Variants in MEGF6 observed in about 807,000 individuals in gnomAD.
The protein encoded by MEGF6 is multiple epidermal growth factor-like domains protein 6.
Under a neutral mutation model 207.1 loss-of-function variants are expected in MEGF6, and 184 were observed. That is an observed-to-expected ratio of 0.89 (90% CI 0.79 to 1.00). The LOEUF is 1.00. Among genes scored for constraint, MEGF6 ranks in the 50% least tolerant of loss-of-function variants. The pLI is 0.00. For synonymous variants in MEGF6, 1,038 were observed against 910.0 expected (o/e 1.14, Z -2.53); for missense variants, 2,282 against 2,202.9 (o/e 1.04, Z -0.72).
chr1:3,493,650 G>A (rs921431980), intron 34 of MEGF6, 121 bp downstream of exon 34: 1 of 1,358,428 alleles, frequency 7.4e-7, no homozygotes, highest in East Asian at 2.5e-5. Flanking sequence ...TCCAGGTGCA[G>A]AGGCAACAAG....
chr1:3,618,802 A>G, the MEGF6 span, among the ~76,000 whole-genome samples: 7 of 152,130 alleles, frequency 4.6e-5, no homozygotes, highest in African/African-American at 1.2e-4. The surrounding 1 kb of genome is among the most constrained non-coding windows in gnomAD (Gnocchi z 4.7). Context: ...GCTGAGAAAC[A>G]TTCCTCAGCC....
At chr1:3,601,952 A>G (rs1455620009) in intron 2 of MEGF6, among the ~76,000 whole-genome samples, 1 of 152,212 alleles carries the variant, frequency 6.6e-6, no homozygotes, top group Non-Finnish European at 1.5e-5. Flanking sequence ...TCCACCTGAC[A>G]CGGGGGCTGC....
intron 3 of MEGF6, among the ~76,000 whole-genome samples, chr1:3,581,674 C>T (rs957429374): frequency 6.6e-6 from 1 of 152,188 alleles, no homozygotes; most frequent in Non-Finnish European, 1.5e-5. Context: ...TAGCCAAGAC[C>T]AATCACCCCC....
chr1:3,609,585 G>C (rs1187952602), intron 1 of MEGF6, among the ~76,000 whole-genome samples: 1 of 152,262 alleles, frequency 6.6e-6, no homozygotes, highest in Admixed American at 6.5e-5. Context: ...CAGGAGAAGA[G>C]CAGGATGTGA....
chr1:3,611,470 C>G lies in MEGF6; in HGVS notation c.-202G>C. On this transcript the variant is annotated 5_prime_UTR_variant, in exon 1 of 37. Transcript: ENST00000356575. ...CACCGCGGAGACCTGATCGCCGGGT[C>G]CACCCTGCAGGAACTCGCCCCGGCG... 3 of 652,818 alleles carry G rather than the reference C, an allele frequency of 4.6e-6. No individual in the cohort carries two copies. 40.4% of individuals were successfully genotyped at this position (652,818 alleles called of 1,614,324 possible).
At chr1:3,561,094 C>G (rs1185373408) in intron 4 of MEGF6, among the ~76,000 whole-genome samples, 1 of 152,180 alleles carries the variant, frequency 6.6e-6, no homozygotes, top group East Asian at 1.9e-4. Flanking sequence ...AAAGGACCCG[C>G]TGGCAGGAGA....
intron 6 of MEGF6, among the ~76,000 whole-genome samples, chr1:3,515,045 A>T (rs1260896305): frequency 2.6e-5 from 4 of 152,128 alleles, no homozygotes; most frequent in Non-Finnish European, 4.4e-5. Flanking sequence ...GCATTCTCTC[A>T]GCACCTGCCC....
rs183620055 is a variant in MEGF6, at chr1:3,598,050, C to T, written c.267-2603G>A. 4.6e-5 allele frequency among the ~76,000 whole-genome samples: 7 copies of T among 152,330 alleles called. No homozygotes were observed. In the South Asian group the frequency reaches 1.0e-3, roughly 23 times the overall value. On this transcript the variant is annotated intron_variant, in intron 2 of 36. Coordinates refer to ENST00000356575, the MANE Select transcript of MEGF6 (RefSeq NM_001409.4). ...AGAGAAATCGAAGGAGTAGAAGATG[C>T]GCCCGCCCCGGGCCTGCCCTGCAGC...
intron 5 of MEGF6, among the ~76,000 whole-genome samples, chr1:3,521,156 T>C (rs1641732837): frequency 6.6e-6 from 1 of 151,954 alleles, no homozygotes; most frequent in African/African-American, 2.4e-5. Flanking sequence ...GGGGAGGGGC[T>C]CCACGGCAGC....
chr1:3,508,829 G>A (rs1339714438), intron 12 of MEGF6, 140 bp from the exon 13 acceptor site: 3 of 1,186,332 alleles, frequency 2.5e-6, no homozygotes, highest in Non-Finnish European at 3.5e-6. Context: ...GGGTGACATG[G>A]GGACAGATGC....
At chr1:3,494,165 GCAGAAATGTC>G in intron 32 of MEGF6, 41 bp from the exon 33 acceptor site, 1 of 1,525,006 alleles carries the variant, frequency 6.6e-7, no homozygotes, top group Non-Finnish European at 8.8e-7. Context: ...GCACACGGTG[GCAGAAATGTC>G]CAGTTTGCCC....
At chr1:3,515,778 C>T (rs1355391265) in intron 5 of MEGF6, among the ~76,000 whole-genome samples, 3 of 152,228 alleles carry the variant, frequency 2.0e-5, no homozygotes, top group Non-Finnish European at 4.4e-5. Context: ...CTGGATCCTC[C>T]GGCCCCGGCC....
intron 8 of MEGF6, 76 bp from the exon 9 acceptor site, chr1:3,511,763 C>A: frequency 6.4e-7 from 1 of 1,551,968 alleles, no homozygotes; most frequent in Non-Finnish European, 8.7e-7. Context: ...ACCCCTACCT[C>A]CACCCAGCAG....
In MEGF6 at chr1:3,567,612, C is replaced by T. The variant is rs1182023979; in HGVS notation, c.481+12213G>A. ...GGCTCTGACCACAGGTCCCGTTTGC[C>T]GGGGACACGGCCAGCCTGGCCTAGC... On this transcript the variant is annotated intron_variant, in intron 4 of 36. Transcript: ENST00000356575. Among the ~76,000 whole-genome samples the T allele has an allele frequency of 3.3e-5, 5 of 152,212 alleles. No individual in the cohort carries two copies. The East Asian group carries it at 5.8e-4, about 18-fold the overall frequency.
chr1:3,529,523 C>T (rs1231968637), intron 4 of MEGF6, among the ~76,000 whole-genome samples: 2 of 152,208 alleles, frequency 1.3e-5, no homozygotes, highest in African/African-American at 4.8e-5. Context: ...AACAGCTGGG[C>T]CAGGATCCTG....
At chr1:3,503,790 G>A (rs954317458) in intron 17 of MEGF6, among the ~76,000 whole-genome samples, 24 of 152,086 alleles carry the variant, frequency 1.6e-4, no homozygotes, top group Admixed American at 1.4e-3. Context: ...GGGGATGCTG[G>A]GGAGTCAGGA....
chr1:3,586,198 G>C (rs921409449), intron 3 of MEGF6, among the ~76,000 whole-genome samples: 28 of 148,372 alleles, frequency 1.9e-4, no homozygotes, highest in African/African-American at 6.8e-4. Flanking sequence ...GGACACACGT[G>C]CTGTGTGTGA....
At chr1:3,558,100 T>C (rs1022559194) in intron 4 of MEGF6, among the ~76,000 whole-genome samples, 3 of 152,152 alleles carry the variant, frequency 2.0e-5, no homozygotes, top group Admixed American at 6.5e-5. Flanking sequence ...CAGAGTCTCC[T>C]TCAGACCCTC....
intron 4 of MEGF6, among the ~76,000 whole-genome samples, chr1:3,547,589 C>A (rs1198536896): frequency 6.6e-6 from 1 of 152,186 alleles, no homozygotes; most frequent in African/African-American, 2.4e-5. Flanking sequence ...CACTCCCCCT[C>A]CCGCCTTCGG....
Sources: gnomAD v4.1 joint callset for allele counts (sites outside exome capture counted in the v4.1 genomes callset) on GRCh38, gnomAD v4.1.1 for gene constraint, Gnocchi (gnomAD v3.1) non-coding constraint, MANE v1.5 for transcripts, NCBI Gene and HGNC (gene_info 2026-07-23, HGNC 2026-07-21) for gene names.